The following AGGF1 variants were observed in gnomAD, a reference collection of about 807,000 sequenced individuals.
The protein encoded by AGGF1 is angiogenic factor with G patch and FHA domains 1.
In AGGF1, 56 loss-of-function variants were observed where a neutral mutation model predicts 86.5. That is an observed-to-expected ratio of 0.65 (90% CI 0.52 to 0.81). The LOEUF (loss-of-function observed/expected upper bound fraction) is 0.81. AGGF1 is among the 30% of genes least tolerant of loss of function. The pLI, the probability that AGGF1 is intolerant of heterozygous loss-of-function variation, is 0.00. For synonymous variants in AGGF1, 313 were observed against 297.1 expected (o/e 1.05, Z -0.55); for missense variants, 816 against 850.9 (o/e 0.96, Z 0.51).
intron 12 of AGGF1, among the ~76,000 whole-genome samples, chr5:77,060,811 A>G (rs951448106): frequency 4.6e-5 from 7 of 152,234 alleles, no homozygotes; most frequent in African/African-American, 1.7e-4. Context: ...AAGTAGGTAC[A>G]CTAAGCAACA....
At chr5:77,042,901 G>GC (rs1747145414) in intron 5 of AGGF1, among the ~76,000 whole-genome samples, 1 of 56,884 alleles carries the variant, frequency 1.8e-5, no homozygotes, top group African/African-American at 5.7e-5. Context: ...GGCTGGCCGG[G>GC]CGGGGGGCCG....
chr5:77,041,892 G>T (rs1747094865), intron 5 of AGGF1, among the ~76,000 whole-genome samples: 2 of 149,032 alleles, frequency 1.3e-5, no homozygotes, highest in Non-Finnish European at 3.0e-5. Flanking sequence ...GGACAATAGT[G>T]GAGGGAAGGT....
intron 3 of AGGF1, chr5:77,036,169 C>A (rs1746964074): frequency 3.8e-6 from 1 of 264,530 alleles, no homozygotes; most frequent in African/African-American, 2.3e-5. Context: ...TTTGATATAT[C>A]TCATTTAATC....
rs1409387238 is a variant in AGGF1 at position 77,030,990 on chromosome 5, C to G, written c.210+14C>G. 1 of 1,610,898 alleles carries G rather than the reference C, an allele frequency of 6.2e-7. No individual in the cohort carries two copies. The highest frequency in any genetic ancestry group is 8.5e-7 in the Non-Finnish European group (1 of 1,179,778). ...CTCCGCACGCAGGTGCGCGGTCCTC[C>G]TCAGCCCCGCGCCCCATCCAGCCCA... On this transcript the variant is annotated intron_variant, in intron 1 of 13. Transcript: ENST00000312916.
chr5:77,044,308 A>T (rs1332996510), intron 5 of AGGF1, among the ~76,000 whole-genome samples: 1 of 152,194 alleles, frequency 6.6e-6, no homozygotes, highest in Non-Finnish European at 1.5e-5. Context: ...CTCGACAAGA[A>T]CTTTTAAGAA....
chr5:77,030,800 C>T lies in AGGF1; in HGVS notation c.34C>T (p.Pro12Ser). The change falls in exon 1 of 14, where the codon CCG becomes TCG. Residue 12 changes from proline to serine, a missense_variant. Around this residue, in one of 3 missense-constraint regions of AGGF1, gnomAD observed 240 missense variants for 234.4 expected, o/e 1.02. Transcript: ENST00000312916. ...ASEAPSPPRSPPPPTSPEPEL... is the reference protein window; with the variant it reads ...ASEAPSPPRSSPPPTSPEPEL... The stretch of plus-strand genomic sequence containing the variant: ...GGAGGCGCCGTCCCCGCCGCGGTCG[C>T]CGCCGCCGCCCACCTCCCCCGAGCC... 2.5e-6 allele frequency: 4 copies of T among 1,596,138 alleles called. No homozygotes were observed. Among genetic ancestry groups the T allele is most frequent in the Non-Finnish European group, 3.4e-6 (4 of 1,174,796 alleles).
intron 11 of AGGF1, among the ~76,000 whole-genome samples, chr5:77,057,870 C>CT (rs1199674818): frequency 6.6e-6 from 1 of 152,232 alleles, no homozygotes; most frequent in Admixed American, 6.5e-5. Context: ...CCAATCCCTC[C>CT]TTACCTCAGG....
chr5:77,035,744 G>T lies in AGGF1; in HGVS notation c.516+1G>T. ...GGACCATTTTGCCTCAAATTCACAG[G>T]TAATAAAATGCTAAACATGAAACTG... is the stretch of plus-strand genomic sequence containing the variant. On this transcript the variant is annotated splice_donor_variant, in intron 3 of 13. Coordinates refer to ENST00000312916, the MANE Select transcript of AGGF1 (RefSeq NM_018046.5). LOFTEE classifies it high-confidence loss of function. 1 of 1,611,122 alleles carries T rather than the reference G, an allele frequency of 6.2e-7. No individual in the cohort carries two copies. Among genetic ancestry groups the T allele is most frequent in the Non-Finnish European group, 8.5e-7 (1 of 1,177,532 alleles).
intron 10 of AGGF1, 74 bp downstream of exon 10, chr5:77,054,204 T>G (rs1747423484): frequency 6.4e-7 from 1 of 1,559,570 alleles, no homozygotes; most frequent in African/African-American, 1.4e-5. Flanking sequence ...AAAACATCAG[T>G]CAGCTACTGG....
Position 77,046,508 on chromosome 5 carries a change from T to A in AGGF1, c.1032T>A (p.Ser344=). Residue 344 remains serine, a synonymous_variant, in exon 6 of 14, where the codon TCT becomes TCA. Coordinates refer to ENST00000312916, the MANE Select transcript of AGGF1 (RefSeq NM_018046.5). ...TVPTSGNTIE[S]PLHENISNST... The stretch of plus-strand genomic sequence containing the variant: ...CAACTAGTGGAAATACTATAGAGTC[T>A]CCTCTTCATGAAAACATCTCTAATT... 6.2e-7 allele frequency: 1 copy of A among 1,614,048 alleles called. No homozygotes were observed. The highest frequency in any genetic ancestry group is 8.5e-7 in the Non-Finnish European group (1 of 1,179,964).
chr5:77,046,378 G>T lies in AGGF1; in HGVS notation c.902G>T (p.Ser301Ile). 6.2e-7 allele frequency: 1 copy of T among 1,613,800 alleles called. No individual in the cohort carries two copies. The highest frequency in any genetic ancestry group is 8.5e-7 in the Non-Finnish European group (1 of 1,179,972). ...AACTCAGAGGATCAAAAAGCCTTCA[G>T]TGTTGAACATACAAGCTGCAATGAG... ...DLNSEDQKAFSVEHTSCNEEE... is the reference protein window; with the variant it reads ...DLNSEDQKAFIVEHTSCNEEE... The change falls in exon 6 of 14, where the codon AGT becomes ATT. Residue 301 changes from serine to isoleucine, a missense_variant. By Grantham distance (142) the Ser-to-Ile change is moderately radical. Transcript: ENST00000312916.
chr5:77,047,718 A>C (rs1216644037), intron 6 of AGGF1, among the ~76,000 whole-genome samples: 1 of 150,978 alleles, frequency 6.6e-6, no homozygotes. Flanking sequence ...GGGTTTGACC[A>C]TGTTGGCCAG....
At chr5:77,041,382 C>A (rs1194854891) in intron 5 of AGGF1, among the ~76,000 whole-genome samples, 2 of 151,920 alleles carry the variant, frequency 1.3e-5, no homozygotes, top group African/African-American at 4.8e-5. Flanking sequence ...GCCTGGCCAA[C>A]ATGGTGAATC....
chr5:77,057,334 CTG>C (rs748867563), intron 11 of AGGF1, among the ~76,000 whole-genome samples: 1 of 151,782 alleles, frequency 6.6e-6, no homozygotes, highest in Non-Finnish European at 1.5e-5. Flanking sequence ...TAACCAAAAA[CTG>C]AGAAAAACTC....
At position 77,063,186 on chromosome 5, in the gene AGGF1, C is replaced by G; in HGVS notation, c.2079C>G (p.Phe693Leu). ...CACGAGAGCGGTTTACTGAAAACTT[C>G]CCAGAAACTAAGCCTCAAAAAGATG... Reference protein sequence around the residue: ...DKARERFTENFPETKPQKDDP... With the variant: ...DKARERFTENLPETKPQKDDP... The change falls in exon 14 of 14, where the codon TTC becomes TTG. Residue 693 changes from phenylalanine (F) to leucine (L), a missense_variant. Transcript: ENST00000312916. 1 of 1,613,902 alleles carries G rather than the reference C, an allele frequency of 6.2e-7. No individual in the cohort carries two copies. Among genetic ancestry groups the G allele is most frequent in the Non-Finnish European group, 8.5e-7 (1 of 1,179,902 alleles).
chr5:77,057,443 A>G (rs1351088474), intron 11 of AGGF1, among the ~76,000 whole-genome samples: 1 of 152,244 alleles, frequency 6.6e-6, no homozygotes, highest in East Asian at 1.9e-4. Flanking sequence ...AATATAGGCC[A>G]CAACCTGGAT....
chr5:77,059,457 T>C (rs1580137099), intron 11 of AGGF1, among the ~76,000 whole-genome samples, 159 bp from the exon 12 acceptor site: 2 of 152,206 alleles, frequency 1.3e-5, no homozygotes, highest in African/African-American at 2.4e-5. Context: ...GCTAGGATTA[T>C]AGGCATGAGC....
At chr5:77,040,875 CT>C (rs1344240184) in intron 5 of AGGF1, among the ~76,000 whole-genome samples, 1 of 152,010 alleles carries the variant, frequency 6.6e-6, no homozygotes, top group Non-Finnish European at 1.5e-5. Flanking sequence ...CTGTCCTGTT[CT>C]TTTTTGAGAC....
chr5:77,062,549 A>C (rs1012693243), intron 13 of AGGF1, among the ~76,000 whole-genome samples: 4 of 152,198 alleles, frequency 2.6e-5, no homozygotes, highest in Non-Finnish European at 4.4e-5. Context: ...CTTGAAGATA[A>C]AGCCCCTAAG....
Sources: gnomAD v4.1 joint callset for allele counts (sites outside exome capture counted in the v4.1 genomes callset) on GRCh38, gnomAD v4.1.1 for gene constraint, gnomAD v4.1.1 regional missense constraint, MANE v1.5 for transcripts, NCBI Gene and HGNC (gene_info 2026-07-23, HGNC 2026-07-21) for gene names.